The following STIL variants were observed in gnomAD, a reference collection of about 807,000 sequenced individuals.
STIL encodes the protein STIL centriolar assembly protein.
In STIL, 55 loss-of-function variants were observed where a neutral mutation model predicts 110.1. The ratio of observed to expected loss-of-function variants is 0.50; its 90% confidence interval spans 0.40 to 0.63. The LOEUF is 0.63. Among genes scored for constraint, STIL ranks in the 20% least tolerant of loss-of-function variants. STIL has a pLI of 0.00. For missense variants in STIL, 1,358 were observed against 1,530.0 expected (o/e 0.89, Z 1.87); for synonymous variants, 481 against 530.0 (o/e 0.91, Z 1.27).
At chr1:47,281,266 T>C in intron 11 of STIL, 57 bp from the exon 12 acceptor site, 1 of 1,526,422 alleles carries the variant, frequency 6.6e-7, no homozygotes, top group Non-Finnish European at 8.8e-7. Context: ...ACTGTATACT[T>C]TACTTTCCTC....
At chr1:47,309,080 A>G (rs866925139) in intron 2 of STIL, among the ~76,000 whole-genome samples, 2 of 152,070 alleles carry the variant, frequency 1.3e-5, no homozygotes, top group Admixed American at 6.6e-5. Context: ...ATAATAATTA[A>G]AAGTGTACAG....
chr1:47,309,025 A>G (rs564895986), intron 2 of STIL, among the ~76,000 whole-genome samples: 5 of 151,836 alleles, frequency 3.3e-5, no homozygotes, highest in Non-Finnish European at 7.4e-5. Flanking sequence ...GCCCTCCAGC[A>G]TAAGTGACAA....
intron 13 of STIL, among the ~76,000 whole-genome samples, chr1:47,271,819 AC>A (rs1557724981): frequency 1.3e-5 from 2 of 151,778 alleles, no homozygotes; most frequent in African/African-American, 2.4e-5. Flanking sequence ...AAAAAAAAAA[AC>A]AAAAAACAAA....
In STIL at chr1:47,287,583, G is replaced by A. The variant is rs1223358370; in HGVS notation, c.1101C>T (p.Phe367=). 6.2e-7 allele frequency: 1 copy of A among 1,611,866 alleles called. No individual in the cohort carries two copies. The highest frequency in any genetic ancestry group is 8.5e-7 in the Non-Finnish European group (1 of 1,179,048). ...AESQNAETEF[F]SKASKNFSIK... ...TTGAAAAATTCTTGGAAGCCTTACT[G>A]AAAAACTCTGTTTCTGCATTTTGGC... The change falls in exon 10 of 17, where the codon TTC becomes TTT. Residue 367 remains phenylalanine, a synonymous_variant. Transcript: ENST00000371877.
intron 8 of STIL, among the ~76,000 whole-genome samples, chr1:47,291,217 C>T (rs948623191): frequency 4.0e-5 from 6 of 151,898 alleles, no homozygotes; most frequent in East Asian, 1.9e-4. Context: ...CAAAATTAGC[C>T]GGGCATGGTG....
At chr1:47,259,410 C>G (rs1341673725) in intron 16 of STIL, among the ~76,000 whole-genome samples, 2 of 150,478 alleles carry the variant, frequency 1.3e-5, no homozygotes, top group African/African-American at 2.5e-5. Context: ...CTTGCCTCAG[C>G]CTCCCAAGTA....
rs10713698 is a variant in STIL, at chr1:47,267,667, T to TA, written c.2615+1967dup. Among the ~76,000 whole-genome samples the TA allele has an allele frequency of 1.6e-3, 176 of 110,620 alleles. 1 individual carries two copies. Among genetic ancestry groups the TA allele is most frequent in the East Asian group, 6.4e-3 (23 of 3,610 alleles). 72.6% of individuals were successfully genotyped at this position (110,620 alleles called of 152,430 possible). A position where few individuals can be genotyped will look rare whatever the true frequency, so the allele number is the denominator to read the frequency against. ...CAGCCAGGGCGACAGAGCGAGTATCTAAAAAAAAAAAAAAAAAAAAAAATT... is the reference window on the plus strand; with the variant it reads ...CAGCCAGGGCGACAGAGCGAGTATCTAAAAAAAAAAAAAAAAAAAAAAAATT... On this transcript the variant is annotated intron_variant, in intron 14 of 16. Transcript: ENST00000371877.
At chr1:47,275,647 C>A (rs551597796) in intron 12 of STIL, among the ~76,000 whole-genome samples, 2 of 151,158 alleles carry the variant, frequency 1.3e-5, no homozygotes, top group Non-Finnish European at 2.9e-5. Flanking sequence ...TTTTTTAAGA[C>A]AGGATCTTAC....
intron 14 of STIL, among the ~76,000 whole-genome samples, chr1:47,266,888 TAA>T (rs1226041799): frequency 6.6e-6 from 1 of 152,202 alleles, no homozygotes; most frequent in African/African-American, 2.4e-5. Context: ...TGCAATAAAT[TAA>T]AAAATCTTTT....
At position 47,250,998 on chromosome 1, in the gene STIL, AG is replaced by A. The variant is rs1258490857; in HGVS notation, c.*137del. ...TATCACCAGCCAGCCATCTCACAGA[AG>A]TCACTCTTCCCAATTGGCTGCTACC... On this transcript the variant is annotated 3_prime_UTR_variant, in exon 17 of 17. Transcript: ENST00000371877. 1.3e-6 allele frequency: 1 copy of A among 757,930 alleles called. No individual in the cohort carries two copies. Among genetic ancestry groups the A allele is most frequent in the Admixed American group, 3.0e-5 (1 of 33,416 alleles). The allele number at this position is 757,930 out of a possible 1,614,324, so 47.0% of individuals were successfully genotyped here.
intron 16 of STIL, among the ~76,000 whole-genome samples, chr1:47,256,669 C>G: frequency 6.7e-6 from 1 of 148,760 alleles, no homozygotes; most frequent in East Asian, 2.0e-4. Flanking sequence ...TAAGTACATG[C>G]TACAATTTAC....
At chr1:47,310,895 C>T (rs746515267) in intron 1 of STIL, among the ~76,000 whole-genome samples, 27 of 152,268 alleles carry the variant, frequency 1.8e-4, no homozygotes, top group Admixed American at 3.3e-4. Context: ...TGTTGCTAGG[C>T]TGGAGTGCAG....
At chr1:47,266,888 T>TA (rs1226041799) in intron 14 of STIL, among the ~76,000 whole-genome samples, 1 of 152,202 alleles carries the variant, frequency 6.6e-6, no homozygotes, top group Non-Finnish European at 1.5e-5. Context: ...TGCAATAAAT[T>TA]AAAAAATCTT....
rs771589583 is a variant in STIL, at chr1:47,251,222, CAGA to C, written c.3778_3780del (p.Ser1260del). ...ATGCTATTCATCTGCTTTAGCGTTT[CAGA>C]AGGTTGCAAACTTTCAGGAAAAATT... is the stretch of plus-strand genomic sequence containing the variant. On this transcript the variant is annotated inframe_deletion, in exon 17 of 17. Transcript: ENST00000371877. 1.2e-6 allele frequency: 2 copies of C among 1,611,730 alleles called. No homozygotes were observed. Among genetic ancestry groups the C allele is most frequent in the Non-Finnish European group, 8.5e-7 (1 of 1,178,848 alleles).
intron 13 of STIL, among the ~76,000 whole-genome samples, chr1:47,271,040 TTTAC>T (rs1340504163): frequency 4.9e-4 from 75 of 152,232 alleles, no homozygotes; most frequent in African/African-American, 1.7e-3. Context: ...TGTAATATTG[TTTAC>T]TTACTCTTTC....
intron 8 of STIL, among the ~76,000 whole-genome samples, chr1:47,292,330 A>T (rs1227664143): frequency 6.6e-6 from 1 of 152,182 alleles, no homozygotes; most frequent in Non-Finnish European, 1.5e-5. Context: ...AAATTGGTGC[A>T]GTCTTTTTGA....
intron 14 of STIL, among the ~76,000 whole-genome samples, chr1:47,268,123 CTT>C (rs1644707324): frequency 4.6e-5 from 7 of 152,172 alleles, no homozygotes; most frequent in Admixed American, 3.3e-4. Context: ...AAAATAGACT[CTT>C]TTATATATAA....
chr1:47,297,591 T>C (rs1296266943), intron 6 of STIL, among the ~76,000 whole-genome samples: 3 of 152,150 alleles, frequency 2.0e-5, no homozygotes, highest in Non-Finnish European at 2.9e-5. Context: ...CAAATTTTTT[T>C]TTAATGATGG....
At chr1:47,293,667 T>A in intron 7 of STIL, 123 bp from the exon 8 acceptor site, 1 of 738,812 alleles carries the variant, frequency 1.4e-6, no homozygotes, top group Non-Finnish European at 2.3e-6. Flanking sequence ...AAAGCCTTAG[T>A]AATAAGAAAT....
Sources: allele counts gnomAD v4.1 joint callset (sites outside exome capture counted in the v4.1 genomes callset), GRCh38; gene constraint gnomAD v4.1.1; transcripts MANE v1.5; gene names NCBI Gene and HGNC (gene_info 2026-07-23, HGNC 2026-07-21).